Variants in GHR observed in about 807,000 individuals in gnomAD.
GHR encodes the protein growth hormone receptor.
In GHR, 35 loss-of-function variants were observed where a neutral mutation model predicts 67.1. That is an observed-to-expected ratio of 0.52 (90% CI 0.40 to 0.69). GHR has a LOEUF of 0.69. Ranked by LOEUF, GHR falls within the 30% of genes least tolerant of loss-of-function variation. GHR has a pLI of 0.00. For synonymous variants in GHR, 272 were observed against 269.1 expected (o/e 1.01, Z -0.10); for missense variants, 792 against 764.6 (o/e 1.04, Z -0.42).
chr5:42,696,361 G>T (rs960534871), intron 5 of GHR, among the ~76,000 whole-genome samples: 3 of 152,230 alleles, frequency 2.0e-5, no homozygotes, highest in Admixed American at 6.5e-5. Context: ...GTGGCCAAAG[G>T]CGTGAATGAC....
chr5:42,706,473 G>A (rs1472639960), intron 6 of GHR, among the ~76,000 whole-genome samples: 1 of 152,084 alleles, frequency 6.6e-6, no homozygotes, highest in Non-Finnish European at 1.5e-5. Flanking sequence ...TAAGGCCTAT[G>A]TCCAGAATGG....
chr5:42,633,523 T>C (rs1295439025), intron 3 of GHR, among the ~76,000 whole-genome samples: 1 of 152,194 alleles, frequency 6.6e-6, no homozygotes. Flanking sequence ...CAGGTCCGTA[T>C]ACATTCTTAG....
At chr5:42,621,098 G>A (rs542029368) in intron 2 of GHR, among the ~76,000 whole-genome samples, 8 of 152,036 alleles carry the variant, frequency 5.3e-5, no homozygotes, top group Non-Finnish European at 1.2e-4. Flanking sequence ...ACTGATTATG[G>A]CCTGGTATTG....
chr5:42,602,995 A>G (rs1045556267), intron 2 of GHR, among the ~76,000 whole-genome samples: 1 of 151,838 alleles, frequency 6.6e-6, no homozygotes, highest in African/African-American at 2.4e-5. Flanking sequence ...TTTTTGTTTC[A>G]ATTTTAAGAG....
At chr5:42,456,156 C>G (rs933715109) in intron 1 of GHR, among the ~76,000 whole-genome samples, 1 of 152,064 alleles carries the variant, frequency 6.6e-6, no homozygotes, top group African/African-American at 2.4e-5. Flanking sequence ...ACTAAAAATA[C>G]AAAAATTAGC....
chr5:42,496,500 G>C (rs555630979), intron 1 of GHR, among the ~76,000 whole-genome samples: 12 of 152,232 alleles, frequency 7.9e-5, no homozygotes, highest in African/African-American at 2.4e-4. Flanking sequence ...ATCTTGGGAT[G>C]CTGGATGAAA....
Position 42,719,378 on chromosome 5 carries a change from C to T in GHR, c.1871C>T (p.Ser624Leu). 6.2e-7 allele frequency: 1 copy of T among 1,613,932 alleles called. No individual in the cohort carries two copies. The highest frequency in any genetic ancestry group is 8.5e-7 in the Non-Finnish European group (1 of 1,179,852). ...LPLPDKEFLSSCGYVSTDQLN... is the reference protein window; with the variant it reads ...LPLPDKEFLSLCGYVSTDQLN... ...TTGCCTGACAAAGAGTTTCTCTCAT[C>T]ATGTGGCTATGTGAGCACAGACCAA... The change falls in exon 10 of 10, where the codon TCA (serine) becomes TTA (leucine). Residue 624 changes from serine to leucine, a missense_variant. By Grantham distance (145) the Ser-to-Leu change is moderately radical (BLOSUM62 -2). Transcript: ENST00000230882.
intron 5 of GHR, among the ~76,000 whole-genome samples, chr5:42,697,584 A>G (rs931207239): frequency 6.6e-6 from 1 of 152,178 alleles, no homozygotes; most frequent in Non-Finnish European, 1.5e-5. Context: ...AAGTAGGAGC[A>G]TGCTTTTCCT....
intron 2 of GHR, among the ~76,000 whole-genome samples, chr5:42,616,268 GA>G: frequency 6.6e-6 from 1 of 152,146 alleles, no homozygotes; most frequent in Non-Finnish European, 1.5e-5. Context: ...GATTGTTCGG[GA>G]AAAAGGTGCT....
At chr5:42,445,344 C>CAAATAG (rs1743761896) in intron 1 of GHR, among the ~76,000 whole-genome samples, 1 of 152,102 alleles carries the variant, frequency 6.6e-6, no homozygotes, top group African/African-American at 2.4e-5. Flanking sequence ...TGAAGTCCAA[C>CAAATAG]AAATAGAAAA....
chr5:42,474,902 TAAAC>T lies in GHR; in HGVS notation c.-12+50949_-12+50952del, dbSNP rs1251949738. Among the ~76,000 whole-genome samples the T allele has an allele frequency of 2.0e-3, 273 of 136,940 alleles. 2 individuals carry two copies. The highest frequency in any genetic ancestry group is 7.3e-3 in the African/African-American group (265 of 36,410). 89.8% of individuals were successfully genotyped at this position (136,940 alleles called of 152,430 possible). ...TTTTTTGCCCTTTTTTTTTTTTTTT[TAAAC>T]AGAGTCTCGCTCTGTTGCCCAGGCT... On this transcript the variant is annotated intron_variant, in intron 1 of 9. Coordinates refer to ENST00000230882, the MANE Select transcript of GHR (RefSeq NM_000163.5).
intron 8 of GHR, among the ~76,000 whole-genome samples, chr5:42,717,591 TA>T (rs1231525787): frequency 6.6e-6 from 1 of 152,216 alleles, no homozygotes; most frequent in Non-Finnish European, 1.5e-5. Flanking sequence ...TACCCAAGTC[TA>T]CCCTTTTTCA....
intron 1 of GHR, among the ~76,000 whole-genome samples, chr5:42,521,616 C>T (rs1747479214): frequency 6.6e-6 from 1 of 152,278 alleles, no homozygotes; most frequent in Middle Eastern, 3.4e-3. Flanking sequence ...TGCCAAAGAG[C>T]CCATCTACTT....
chr5:42,494,436 C>T (rs1746239370), intron 1 of GHR, among the ~76,000 whole-genome samples: 1 of 152,046 alleles, frequency 6.6e-6, no homozygotes, highest in Non-Finnish European at 1.5e-5. Context: ...AAAAATGTCT[C>T]CTTGCGTCCT....
At chr5:42,549,717 G>T in intron 1 of GHR, 1 of 944,708 alleles carries the variant, frequency 1.1e-6, no homozygotes. Flanking sequence ...GGCCACATCA[G>T]ATCACACATG....
chr5:42,715,350 C>T (rs890215834), intron 8 of GHR, among the ~76,000 whole-genome samples: 12 of 152,132 alleles, frequency 7.9e-5, no homozygotes, highest in Admixed American at 3.9e-4. Context: ...CTGCAAAGAA[C>T]GAGATTTTTC....
rs34093505 is a variant in GHR, at chr5:42,495,916, G to A, written c.-11-69948G>A. ...AACTTATCTATGCATGCCTTCTTTG[G>A]ATACATAGATCCACCTTTGACAGCT... On this transcript the variant is annotated intron_variant, in intron 1 of 9. Transcript: ENST00000230882. 7.0e-3 allele frequency among the ~76,000 whole-genome samples: 1,069 copies of A among 152,152 alleles called. 13 individuals are homozygous for A. The highest frequency in any genetic ancestry group is 0.025 in the African/African-American group (1,032 of 41,522).
At chr5:42,487,100 G>C (rs1745919224) in intron 1 of GHR, among the ~76,000 whole-genome samples, 1 of 152,118 alleles carries the variant, frequency 6.6e-6, no homozygotes, top group Non-Finnish European at 1.5e-5. Flanking sequence ...GGAGGAGTAG[G>C]GAGAACTGCT....
intron 2 of GHR, among the ~76,000 whole-genome samples, chr5:42,579,793 A>G (rs1408404292): frequency 1.1e-4 from 17 of 152,242 alleles, no homozygotes. Flanking sequence ...CATCAGTCTT[A>G]AAACCTGCTT....
Sources: allele counts gnomAD v4.1 joint callset (sites outside exome capture counted in the v4.1 genomes callset), GRCh38; gene constraint gnomAD v4.1.1; transcripts MANE v1.5; gene names NCBI Gene and HGNC (gene_info 2026-07-23, HGNC 2026-07-21).